Variants in GALNT1 observed in about 807,000 individuals in gnomAD.
GALNT1 encodes the protein GalNAc transferase 1.
In GALNT1, 17 loss-of-function variants were observed where a neutral mutation model predicts 65.7. The ratio of observed to expected loss-of-function variants is 0.26; its 90% CI spans 0.18 to 0.39. GALNT1 has a LOEUF of 0.39. GALNT1 is among the 10% of genes least tolerant of loss of function. The pLI is 1.00. For synonymous variants in GALNT1, 210 were observed against 219.7 expected, an observed-to-expected ratio of 0.96 and a Z score of 0.39; for missense variants, 460 against 672.8, an observed-to-expected ratio of 0.68 and a Z score of 3.50.
intron 5 of GALNT1, among the ~76,000 whole-genome samples, chr18:35,684,477 T>C (rs950917580): frequency 6.6e-6 from 1 of 152,218 alleles, no homozygotes; most frequent in South Asian, 2.1e-4. Flanking sequence ...TAAATTATTT[T>C]CTTTAAATAA....
chr18:35,700,221 A>G (rs1473588924), intron 9 of GALNT1, among the ~76,000 whole-genome samples: 1 of 152,210 alleles, frequency 6.6e-6, no homozygotes, highest in East Asian at 1.9e-4. Context: ...AGAGGGACCC[A>G]CCTGGAGAGC....
At chr18:35,596,887 T>C (rs2046512162) in intron 1 of GALNT1, 1 of 152,246 alleles carries the variant, frequency 6.6e-6, no homozygotes, top group Non-Finnish European at 1.5e-5. Flanking sequence ...ATGTTCATGT[T>C]GTACTCCACT....
At chr18:35,672,614 C>CT (rs1165704140) in intron 3 of GALNT1, among the ~76,000 whole-genome samples, 6 of 152,042 alleles carry the variant, frequency 3.9e-5, no homozygotes, top group African/African-American at 1.2e-4. Flanking sequence ...TGTACAGTCT[C>CT]TAAGAGCATG....
intron 3 of GALNT1, among the ~76,000 whole-genome samples, chr18:35,664,727 G>C (rs2047522187): frequency 6.6e-6 from 1 of 152,160 alleles, no homozygotes; most frequent in Non-Finnish European, 1.5e-5. Flanking sequence ...GAGTACCATA[G>C]GCCCAGTTAA....
intron 1 of GALNT1, among the ~76,000 whole-genome samples, chr18:35,604,889 C>T (rs2046627159): frequency 6.6e-6 from 1 of 152,096 alleles, no homozygotes; most frequent in East Asian, 1.9e-4. Context: ...TAAATTAGGA[C>T]TCAGAGGACC....
At position 35,709,701 on chromosome 18, in the gene GALNT1, T is replaced by G. The variant is rs935729583; in HGVS notation, c.1611T>G (p.Ile537Met). ...ATEEDSQVPS[I>M]RDCNGSRSQQ... ...AAGAGGATAGCCAGGTGCCCAGCAT[T>G]AGAGACTGCAATGGAAGTCGGTCCC... The change falls in exon 12 of 12, where the codon ATT (isoleucine) becomes ATG (methionine). Residue 537 changes from isoleucine to methionine, a missense_variant. Ile to Met is a conservative substitution (Grantham distance 10). Coordinates refer to ENST00000269195, the MANE Select transcript of GALNT1 (RefSeq NM_020474.4). The G allele has an allele frequency of 1.2e-6, 2 of 1,614,028 alleles. No homozygotes were observed. The highest frequency in any genetic ancestry group is 1.7e-6 in the Non-Finnish European group (2 of 1,179,976).
chr18:35,587,307 T>C (rs2046388929), intron 1 of GALNT1, among the ~76,000 whole-genome samples: 1 of 152,196 alleles, frequency 6.6e-6, no homozygotes, highest in African/African-American at 2.4e-5. Flanking sequence ...GAGGAACAAT[T>C]TTATTCTTTT....
intron 3 of GALNT1, among the ~76,000 whole-genome samples, chr18:35,665,827 T>C (rs896585872): frequency 2.6e-5 from 4 of 152,168 alleles, no homozygotes; most frequent in African/African-American, 9.7e-5. Context: ...CTCCCAAGCA[T>C]CCATTCTCAG....
Position 35,703,507 on chromosome 18 carries a change from A to G in GALNT1, c.1399-2A>G. On this transcript the variant is annotated splice_acceptor_variant, in intron 10 of 11. Transcript: ENST00000269195. LOFTEE classifies it high-confidence loss of function. ...TTTATGTGTGTGCATTTTTATTTCCAGGTTTTCTCTTATACTGCCAACAAA... is the reference window on the plus strand; with the variant it reads ...TTTATGTGTGTGCATTTTTATTTCCGGGTTTTCTCTTATACTGCCAACAAA... 1 of 1,611,050 alleles carries G rather than the reference A, an allele frequency of 6.2e-7. No homozygotes were observed. The highest frequency in any genetic ancestry group is 8.5e-7 in the Non-Finnish European group (1 of 1,179,062).
At position 35,627,840 on chromosome 18, in the gene GALNT1, G is replaced by A. The variant is rs531797381; in HGVS notation, c.-103-26720G>A. 6.6e-5 allele frequency among the ~76,000 whole-genome samples: 10 copies of A among 152,244 alleles called. No homozygotes were observed. In the East Asian group the frequency reaches 1.2e-3, roughly 18 times the overall value. On this transcript the variant is annotated intron_variant, in intron 1 of 11. Transcript: ENST00000269195. ...CTAGCCAAGGGAAGGAGGGACAAAC[G>A]GCACCTGGAACATCGGGTCACTCCC...
chr18:35,597,946 A>G (rs2046525209), intron 1 of GALNT1, among the ~76,000 whole-genome samples: 1 of 150,576 alleles, frequency 6.6e-6, no homozygotes, highest in African/African-American at 2.4e-5. Flanking sequence ...ATTGTTAACT[A>G]TAGTCACCTG....
At chr18:35,699,342 C>T (rs759609311) in intron 9 of GALNT1, among the ~76,000 whole-genome samples, 4 of 152,166 alleles carry the variant, frequency 2.6e-5, no homozygotes, top group African/African-American at 9.7e-5. Flanking sequence ...CTTCTTTTCC[C>T]ATATCAAATC....
intron 5 of GALNT1, among the ~76,000 whole-genome samples, chr18:35,685,611 T>G (rs2047855792): frequency 6.6e-6 from 1 of 152,202 alleles, no homozygotes; most frequent in Non-Finnish European, 1.5e-5. Flanking sequence ...TTAGAAGTCT[T>G]TCTTAGGTTT....
chr18:35,589,404 T>G (rs925905652), intron 1 of GALNT1, among the ~76,000 whole-genome samples: 3 of 152,156 alleles, frequency 2.0e-5, no homozygotes, highest in African/African-American at 7.2e-5. Context: ...GCTACAGTTT[T>G]TTTCTGTGAT....
chr18:35,607,449 G>A (rs539970410), intron 1 of GALNT1, among the ~76,000 whole-genome samples: 1 of 152,182 alleles, frequency 6.6e-6, no homozygotes, highest in East Asian at 1.9e-4. Flanking sequence ...GGATTCCTGG[G>A]TTCCTTGCAT....
At chr18:35,693,009 G>C (rs577187412) in intron 9 of GALNT1, among the ~76,000 whole-genome samples, 25 of 152,322 alleles carry the variant, frequency 1.6e-4, no homozygotes, top group African/African-American at 4.6e-4. Flanking sequence ...CAGAGATCCT[G>C]CTCTTGTTGA....
At chr18:35,676,280 G>T (rs2047709723) in intron 3 of GALNT1, among the ~76,000 whole-genome samples, 1 of 152,082 alleles carries the variant, frequency 6.6e-6, no homozygotes, top group Non-Finnish European at 1.5e-5. Flanking sequence ...CTGTGAAAGG[G>T]GTCTTGGGAA....
At chr18:35,667,927 C>A (rs1474156149) in intron 3 of GALNT1, among the ~76,000 whole-genome samples, 1 of 152,154 alleles carries the variant, frequency 6.6e-6, no homozygotes, top group African/African-American at 2.4e-5. Context: ...TTACATGTTT[C>A]ATTTGTCTAC....
chr18:35,590,232 C>T (rs1436738127), intron 1 of GALNT1, among the ~76,000 whole-genome samples: 1 of 152,150 alleles, frequency 6.6e-6, no homozygotes, highest in Non-Finnish European at 1.5e-5. Context: ...TCTCTGATTT[C>T]AAGTGATCCA....
Sources: gnomAD v4.1 joint callset for allele counts (sites outside exome capture counted in the v4.1 genomes callset) on GRCh38, gnomAD v4.1.1 for gene constraint, MANE v1.5 for transcripts, NCBI Gene and HGNC (gene_info 2026-07-23, HGNC 2026-07-21) for gene names.